The following SEMA3A variants were observed in gnomAD, a reference collection of about 807,000 sequenced individuals.
The protein encoded by SEMA3A is semaphorin-3A.
SEMA3A carries 29 observed loss-of-function variants against 97.9 expected under a neutral mutation model. The ratio of observed to expected loss-of-function variants is 0.30; its 90% CI spans 0.22 to 0.40. The LOEUF is 0.40. Among genes scored for constraint, SEMA3A ranks in the 10% least tolerant of loss-of-function variants. The pLI is 1.00. For synonymous variants in SEMA3A, 321 were observed against 323.7 expected, an observed-to-expected ratio of 0.99 and a Z score of 0.09; for missense variants, 763 against 951.3, an observed-to-expected ratio of 0.80 and a Z score of 2.60.
chr7:84,128,308 A>C (rs1795861675), intron 3 of SEMA3A, among the ~76,000 whole-genome samples: 1 of 152,142 alleles, frequency 6.6e-6, no homozygotes, highest in Non-Finnish European at 1.5e-5. Context: ...GGAGAAGGAA[A>C]AAGAAAAGGA....
chr7:84,076,491 T>C (rs767826478), intron 4 of SEMA3A, among the ~76,000 whole-genome samples: 5 of 152,138 alleles, frequency 3.3e-5, no homozygotes, highest in Admixed American at 6.5e-5. Flanking sequence ...TATGCTACTT[T>C]ATTGATACAC....
At chr7:84,210,683 G>A (rs1468219475) in intron 3 of SEMA3A, among the ~76,000 whole-genome samples, 1 of 151,984 alleles carries the variant, frequency 6.6e-6, no homozygotes, top group African/African-American at 2.4e-5. Context: ...TATTTACTAG[G>A]AACAAACATG....
chr7:84,148,060 C>G (rs1433964510), intron 1 of SEMA3A, among the ~76,000 whole-genome samples: 1 of 151,522 alleles, frequency 6.6e-6, no homozygotes, highest in African/African-American at 2.4e-5. Context: ...CAGGCATGAG[C>G]CACCATGCCT....
intron 15 of SEMA3A, among the ~76,000 whole-genome samples, chr7:83,974,513 CAT>C (rs1440365971): frequency 1.3e-5 from 2 of 152,110 alleles, no homozygotes; most frequent in African/African-American, 4.8e-5. Flanking sequence ...GAAAACATCT[CAT>C]ATTTTTATGC....
intron 1 of SEMA3A, among the ~76,000 whole-genome samples, chr7:84,435,254 T>TACACACAC (rs34631045): frequency 1.5e-4 from 22 of 148,052 alleles, no homozygotes; most frequent in African/African-American, 4.7e-4. Flanking sequence ...GTACAACAGC[T>TACACACAC]ACACACACAC....
intron 6 of SEMA3A, among the ~76,000 whole-genome samples, chr7:84,029,810 T>TACACACACACACAC (rs34158057): frequency 3.5e-4 from 41 of 116,864 alleles, no homozygotes; most frequent in African/African-American, 1.4e-3. Flanking sequence ...CCCTTCCATA[T>TACACACACACACAC]ACACACACAC....
In SEMA3A at chr7:84,297,937, C is replaced by A. The variant is rs921993152; in HGVS notation, c.-83+9270G>T. On this transcript the variant is annotated intron_variant, in intron 3 of 3. Transcript: ENST00000424555. The stretch of plus-strand genomic sequence containing the variant: ...ACAGAAATAACATGAGTAATGAAAT[C>A]TGCAGATAATCCCAAGGCATCATTT... 5.3e-5 allele frequency among the ~76,000 whole-genome samples: 8 copies of A among 152,314 alleles called. No homozygotes were observed. The East Asian group carries it at 1.2e-3, about 22-fold the overall frequency.
chr7:84,161,091 C>T (rs2116165113), intron 1 of SEMA3A, among the ~76,000 whole-genome samples: 2 of 150,584 alleles, frequency 1.3e-5, no homozygotes, highest in South Asian at 2.1e-4. Flanking sequence ...TTAGGCCGGG[C>T]GTGGTGTCTC....
intron 3 of SEMA3A, among the ~76,000 whole-genome samples, chr7:84,248,516 G>C (rs1399493849): frequency 6.6e-6 from 1 of 152,168 alleles, no homozygotes; most frequent in Non-Finnish European, 1.5e-5. Context: ...GTCTTTTTGT[G>C]AGAGTCAGCA....
At chr7:84,143,021 A>G (rs1383607833) in intron 1 of SEMA3A, among the ~76,000 whole-genome samples, 2 of 152,150 alleles carry the variant, frequency 1.3e-5, no homozygotes, top group Non-Finnish European at 2.9e-5. Context: ...GTTTTGCTTA[A>G]CACAATAATT....
chr7:83,961,186 A>C lies in SEMA3A; in HGVS notation c.*185T>G. On this transcript the variant is annotated 3_prime_UTR_variant, in exon 17 of 17. Transcript: ENST00000265362. Reference sequence around the variant, plus strand: ...TTCTCTGTTAGGTGGTGGTATTAGGAAAAAAAGCCTATTAGGAAAGTTACT... The same window carrying C: ...TTCTCTGTTAGGTGGTGGTATTAGGCAAAAAAGCCTATTAGGAAAGTTACT... 1 of 599,090 alleles carries C rather than the reference A, an allele frequency of 1.7e-6. No individual in the cohort carries two copies. Among genetic ancestry groups the C allele is most frequent in the Non-Finnish European group, 3.0e-6 (1 of 337,944 alleles). 37.1% of individuals were successfully genotyped at this position (599,090 alleles called of 1,614,324 possible). A position where few individuals can be genotyped will look rare whatever the true frequency, so the allele number is the denominator to read the frequency against.
At chr7:84,076,170 TGATA>T (rs1193711625) in intron 4 of SEMA3A, among the ~76,000 whole-genome samples, 5 of 152,296 alleles carry the variant, frequency 3.3e-5, no homozygotes, top group African/African-American at 9.6e-5. Context: ...ATCTTTGTTA[TGATA>T]GATAGCATAT....
chr7:84,301,811 A>G (rs936751720), intron 3 of SEMA3A, among the ~76,000 whole-genome samples: 3 of 152,170 alleles, frequency 2.0e-5, no homozygotes, highest in African/African-American at 7.2e-5. Context: ...GCGGAATGAC[A>G]GGAACTCTCA....
intron 13 of SEMA3A, among the ~76,000 whole-genome samples, chr7:83,984,608 C>CTTTTTTT (rs371082897): frequency 7.1e-5 from 7 of 98,876 alleles, no homozygotes; most frequent in East Asian, 7.1e-4. Context: ...GATTTTTCTG[C>CTTTTTTT]TTTTTTTTTT....
At chr7:84,469,086 T>G (rs1385762204) in intron 1 of SEMA3A, among the ~76,000 whole-genome samples, 2 of 152,156 alleles carry the variant, frequency 1.3e-5, no homozygotes, top group African/African-American at 4.8e-5. Flanking sequence ...CTGAAAAGCA[T>G]GCCACGTGTT....
At chr7:84,111,833 T>C (rs1056660977) in intron 3 of SEMA3A, among the ~76,000 whole-genome samples, 11 of 152,128 alleles carry the variant, frequency 7.2e-5, no homozygotes, top group Non-Finnish European at 5.9e-5. Context: ...ATCTTGCAAG[T>C]TGTTATGAGG....
At chr7:84,065,864 C>A (rs1377549232) in intron 4 of SEMA3A, among the ~76,000 whole-genome samples, 7 of 151,776 alleles carry the variant, frequency 4.6e-5, no homozygotes, top group Non-Finnish European at 1.0e-4. Context: ...GGTAGCATTC[C>A]TTCTGAAACT....
At chr7:84,078,445 A>T (rs1191500299) in intron 4 of SEMA3A, among the ~76,000 whole-genome samples, 1 of 152,074 alleles carries the variant, frequency 6.6e-6, no homozygotes, top group Non-Finnish European at 1.5e-5. Context: ...TGAGTTTGCA[A>T]CCCCTCTAAA....
intron 3 of SEMA3A, among the ~76,000 whole-genome samples, chr7:84,305,287 T>C (rs6969121): frequency 0.7 from 106,113 of 150,858 alleles, 37,512 homozygotes; most frequent in East Asian, 0.79. Context: ...GGTCTGATAG[T>C]CCCCAATTTG....
Sources: gnomAD v4.1 joint callset for allele counts (sites outside exome capture counted in the v4.1 genomes callset) on GRCh38, gnomAD v4.1.1 for gene constraint, MANE v1.5 for transcripts, NCBI Gene and HGNC (gene_info 2026-07-23, HGNC 2026-07-21) for gene names.